Variants in PCDHGC4 observed in about 807,000 individuals in gnomAD.
PCDHGC4 encodes the protein protocadherin gamma-C4.
A neutral mutation model predicts 59.7 loss-of-function variants in PCDHGC4; 15 were observed. The ratio of observed to expected loss-of-function variants is 0.25; its 90% CI spans 0.17 to 0.39. PCDHGC4 has a LOEUF of 0.39. PCDHGC4 is among the 10% of genes least tolerant of loss of function. The pLI, the probability that PCDHGC4 is intolerant of heterozygous loss-of-function variation, is 1.00. For missense variants in PCDHGC4, 1,016 were observed against 1,189.5 expected (o/e 0.85, Z 2.15); for synonymous variants, 434 against 481.4 (o/e 0.90, Z 1.29).
At chr5:141,509,143 C>T (rs1022878562) in intron 3 of PCDHGC4, among the ~76,000 whole-genome samples, 9 of 152,138 alleles carry the variant, frequency 5.9e-5, no homozygotes, top group Non-Finnish European at 1.0e-4. Flanking sequence ...AGGCGCATCC[C>T]GGCTCTCCCC....
chr5:141,488,428 C>A (rs1234461104), intron 1 of PCDHGC4, among the ~76,000 whole-genome samples: 1 of 152,186 alleles, frequency 6.6e-6, no homozygotes, highest in Non-Finnish European at 1.5e-5. Context: ...CATGCTTGGC[C>A]TCTGACCACC....
intron 3 of PCDHGC4, among the ~76,000 whole-genome samples, chr5:141,506,485 A>C (rs2154593953): frequency 6.6e-6 from 1 of 150,572 alleles, no homozygotes; most frequent in East Asian, 2.0e-4. Flanking sequence ...CTTTAGAGGC[A>C]GGCCAATCTG....
chr5:141,490,051 G>A lies in PCDHGC4; in HGVS notation c.2442+2436G>A, dbSNP rs779280988. The A allele has an allele frequency of 6.2e-6, 10 of 1,614,094 alleles. No homozygotes were observed. Among genetic ancestry groups the A allele is most frequent in the Admixed American group, 5.0e-5 (3 of 60,012 alleles). ...CCGCCTCAATGCCACTGATCCAGAC[G>A]AGGGCACCAACGGCCAACTAGACTA... On this transcript the variant is annotated intron_variant, in intron 1 of 3. Coordinates refer to ENST00000306593, the MANE Select transcript of PCDHGC4 (RefSeq NM_018928.3). The surrounding 1 kb of genome is among the most constrained non-coding windows in gnomAD (Gnocchi z 5.4).
chr5:141,495,939 G>A (rs1408330065), intron 2 of PCDHGC4, among the ~76,000 whole-genome samples: 1 of 151,994 alleles, frequency 6.6e-6, no homozygotes, highest in Non-Finnish European at 1.5e-5. Context: ...TCTGGTCTCT[G>A]TGCCTGTTGT....
In PCDHGC4 at chr5:141,485,636, G is replaced by A. The variant is rs371040974; in HGVS notation, c.463G>A (p.Glu155Lys). The A allele has an allele frequency of 6.2e-7, 1 of 1,611,922 alleles. No homozygotes were observed. The highest frequency in any genetic ancestry group is 1.1e-5 in the South Asian group (1 of 90,964). Residue 155 changes from glutamate (E) to lysine (K), a missense_variant, in exon 1 of 4, where the codon GAA (glutamate) becomes AAA (lysine). Transcript: ENST00000306593. This position sits in a 1 kb window ranked among gnomAD's most constrained non-coding sequence, Gnocchi z 5.7. ...TCCTCCAGGACAGCGTTTCCCGTTG[G>A]AAAAGGCTCAGGATGCAGATGTGGG... ...AAPPGQRFPLEKAQDADVGSN... is the reference protein window; with the variant it reads ...AAPPGQRFPLKKAQDADVGSN...
Position 141,486,817 on chromosome 5 carries a change from T to A in PCDHGC4, c.1644T>A (p.Thr548=), listed in dbSNP as rs143638501. The change falls in exon 1 of 4, where the codon ACT becomes ACA. Residue 548 remains threonine, a synonymous_variant. Transcript: ENST00000306593. The surrounding 1 kb of genome is among the most constrained non-coding windows in gnomAD (Gnocchi z 5.0). The part of the protein sequence containing the change: ...RDRGNPPLSS[T]VTVRLFVLDL... ...GGGGCAACCCACCCCTTAGCAGCAC[T>A]GTAACAGTTCGTCTATTTGTGCTGG... 1 of 1,614,102 alleles carries A rather than the reference T, an allele frequency of 6.2e-7. No homozygotes were observed. Among genetic ancestry groups the A allele is most frequent in the East Asian group, 2.2e-5 (1 of 44,898 alleles).
Position 141,490,320 on chromosome 5 carries a change from A to G in PCDHGC4, c.2442+2705A>G. The G allele has an allele frequency of 6.2e-7, 1 of 1,614,228 alleles. No individual in the cohort carries two copies. The highest frequency in any genetic ancestry group is 1.1e-5 in the South Asian group (1 of 91,088). ...TGGCCTCTTTGGCCAACCCTGTCCT[A>G]GAGAGCACACCAGTGGGCACAGTAG... On this transcript the variant is annotated intron_variant, in intron 1 of 3. Transcript: ENST00000306593. The surrounding 1 kb of genome is among the most constrained non-coding windows in gnomAD (Gnocchi z 5.4).
intron 2 of PCDHGC4, among the ~76,000 whole-genome samples, chr5:141,500,877 A>AT (rs369345007): frequency 0.053 from 6,532 of 122,188 alleles, 326 homozygotes; most frequent in Admixed American, 0.19. Context: ...TTCATTTACA[A>AT]TTTTTTTTTT....
At chr5:141,506,172 TG>T (rs2099850913) in intron 3 of PCDHGC4, among the ~76,000 whole-genome samples, 1 of 152,128 alleles carries the variant, frequency 6.6e-6, no homozygotes, top group South Asian at 2.1e-4. Flanking sequence ...CAGCCTAAGC[TG>T]GGCGTGGTGG....
In PCDHGC4 at chr5:141,491,163, C is replaced by T; in HGVS notation, c.2442+3548C>T. On this transcript the variant is annotated intron_variant, in intron 1 of 3. Transcript: ENST00000306593. The surrounding 1 kb of genome is among the most constrained non-coding windows in gnomAD (Gnocchi z 6.9). ...CCTTACTGGAGGATGACTCTGACAC[C>T]CAGCAGGTGGTGGTCCTGGTGAGGG... is the stretch of plus-strand genomic sequence containing the variant. 1 of 1,614,092 alleles carries T rather than the reference C, an allele frequency of 6.2e-7. No homozygotes were observed. Among genetic ancestry groups the T allele is most frequent in the Non-Finnish European group, 8.5e-7 (1 of 1,179,950 alleles).
intron 2 of PCDHGC4, among the ~76,000 whole-genome samples, chr5:141,495,233 A>G (rs1226612093): frequency 1.3e-5 from 2 of 152,196 alleles, no homozygotes; most frequent in African/African-American, 4.8e-5. Flanking sequence ...GCTGGGCTCC[A>G]TTATGACCTG....
Position 141,490,330 on chromosome 5 carries a change from C to T in PCDHGC4, c.2442+2715C>T, listed in dbSNP as rs2099698666. ...GGCCAACCCTGTCCTAGAGAGCACA[C>T]CAGTGGGCACAGTAGTGGGGTTGTT... is the stretch of plus-strand genomic sequence containing the variant. On this transcript the variant is annotated intron_variant, in intron 1 of 3. Transcript: ENST00000306593. The surrounding 1 kb of genome is among the most constrained non-coding windows in gnomAD (Gnocchi z 5.4). 6.2e-7 allele frequency: 1 copy of T among 1,614,080 alleles called. No individual in the cohort carries two copies. Among genetic ancestry groups the T allele is most frequent in the Non-Finnish European group, 8.5e-7 (1 of 1,180,042 alleles).
rs765185360 is a variant in PCDHGC4, at chr5:141,491,451, C to T, written c.2443-3356C>T. 1.2e-6 allele frequency: 2 copies of T among 1,614,112 alleles called. No individual in the cohort carries two copies. The highest frequency in any genetic ancestry group is 1.1e-5 in the South Asian group (1 of 91,082). On this transcript the variant is annotated intron_variant, in intron 1 of 3. Coordinates refer to ENST00000306593, the MANE Select transcript of PCDHGC4 (RefSeq NM_018928.3). This position sits in a 1 kb window ranked among gnomAD's most constrained non-coding sequence, Gnocchi z 6.9. ...AGTGCTGCAGGCGCCAGGACTCACC[C>T]TCCCCGGACTTCTATAAGCAGTCCA...
chr5:141,490,736 A>G lies in PCDHGC4; in HGVS notation c.2442+3121A>G, dbSNP rs747567176. The G allele has an allele frequency of 5.0e-6, 8 of 1,614,084 alleles. No individual in the cohort carries two copies. Among genetic ancestry groups the G allele is most frequent in the Non-Finnish European group, 6.8e-6 (8 of 1,180,034 alleles). On this transcript the variant is annotated intron_variant, in intron 1 of 3. Transcript: ENST00000306593. This position sits in a 1 kb window ranked among gnomAD's most constrained non-coding sequence, Gnocchi z 5.4. The stretch of plus-strand genomic sequence containing the variant: ...TACTCCATTGTAGGAAATCAGGTTC[A>G]GGGAGCCCCAGCCTCCTCCTTTGTG...
chr5:141,505,779 T>G (rs1420143439), intron 3 of PCDHGC4, among the ~76,000 whole-genome samples: 1 of 139,496 alleles, frequency 7.2e-6, no homozygotes, highest in Non-Finnish European at 1.6e-5. Flanking sequence ...GTCCTAGCTC[T>G]GCTACTATCC....
intron 2 of PCDHGC4, among the ~76,000 whole-genome samples, chr5:141,498,604 C>G (rs1445417630): frequency 6.6e-6 from 1 of 152,122 alleles, no homozygotes; most frequent in East Asian, 1.9e-4. Flanking sequence ...GGTTCAAGTT[C>G]AAGTCAGCAC....
At chr5:141,501,329 ACACACC>A (rs1456568693) in intron 2 of PCDHGC4, among the ~76,000 whole-genome samples, 16 of 148,226 alleles carry the variant, frequency 1.1e-4, no homozygotes, top group Non-Finnish European at 2.2e-4. Context: ...ACACACACAC[ACACACC>A]CCAAACTCAA....
At chr5:141,502,035 G>C (rs1371892057) in intron 2 of PCDHGC4, among the ~76,000 whole-genome samples, 1 of 152,078 alleles carries the variant, frequency 6.6e-6, no homozygotes, top group Non-Finnish European at 1.5e-5. Context: ...CCCGCCGCTT[G>C]CCTGCTCTCC....
In PCDHGC4 at chr5:141,485,569, T is replaced by C; in HGVS notation, c.396T>C (p.Arg132=). The C allele has an allele frequency of 6.2e-7, 1 of 1,612,664 alleles. No individual in the cohort carries two copies. Among genetic ancestry groups the C allele is most frequent in the Non-Finnish European group, 8.5e-7 (1 of 1,178,890 alleles). ...TAGATGTGAATGATCACGCCCCCCG[T>C]TTTCCGCGGCAGCAGCTGGACTTGG... ...EIVDVNDHAP[R]FPRQQLDLEI... The change falls in exon 1 of 4, where the codon CGT becomes CGC. Residue 132 remains arginine, a synonymous_variant. Coordinates refer to ENST00000306593, the MANE Select transcript of PCDHGC4 (RefSeq NM_018928.3). This position sits in a 1 kb window ranked among gnomAD's most constrained non-coding sequence, Gnocchi z 5.7.
Sources: gnomAD v4.1 joint callset for allele counts (sites outside exome capture counted in the v4.1 genomes callset) on GRCh38, gnomAD v4.1.1 for gene constraint, Gnocchi (gnomAD v3.1) non-coding constraint, MANE v1.5 for transcripts, NCBI Gene and HGNC (gene_info 2026-07-23, HGNC 2026-07-21) for gene names.